Variants in LMO7 observed in about 807,000 individuals in gnomAD.
LMO7 encodes the protein LIM domain only protein 7.
Under a neutral mutation model 206.5 loss-of-function variants are expected in LMO7, and 120 were observed. The ratio of observed to expected loss-of-function variants is 0.58; its 90% CI spans 0.50 to 0.68. The LOEUF is 0.68. LMO7 is among the 30% of genes least tolerant of loss of function. The probability of loss-of-function intolerance (pLI) is 0.00; values close to 1 mark genes in which losing one functional copy is unlikely to be tolerated. For synonymous variants in LMO7, 706 were observed against 681.5 expected (o/e 1.04, Z -0.56); for missense variants, 1,959 against 1,957.9 (o/e 1.00, Z -0.01).
At chr13:75,737,842 CAAA>C (rs768622923) in intron 3 of LMO7, among the ~76,000 whole-genome samples, 4 of 37,740 alleles carry the variant, frequency 1.1e-4, no homozygotes, top group African/African-American at 3.6e-4. Flanking sequence ...AGGAAGCTGC[CAAA>C]AAAAAAAAAA....
At chr13:75,681,837 A>G (rs149815777) in intron 1 of LMO7, among the ~76,000 whole-genome samples, 5,759 of 149,956 alleles carry the variant, frequency 0.038, 151 homozygotes, top group South Asian at 0.066. Context: ...TGTTTCTATC[A>G]TCAGTAAATC....
intron 2 of LMO7, among the ~76,000 whole-genome samples, chr13:75,715,128 A>G (rs984057691): frequency 6.6e-6 from 1 of 152,230 alleles, no homozygotes; most frequent in African/African-American, 2.4e-5. Context: ...CCATAAATAG[A>G]TCATTAAACA....
intron 17 of LMO7, 129 bp from the exon 18 acceptor site, chr13:75,835,102 TTC>T (rs768905253): frequency 8.4e-7 from 1 of 1,193,308 alleles, no homozygotes; most frequent in Non-Finnish European, 1.1e-6. Flanking sequence ...ACTTTATTCT[TTC>T]CACTTCAACA....
At chr13:75,835,475 T>G (rs760012140) in intron 18 of LMO7, 136 bp downstream of exon 18, 22 of 567,224 alleles carry the variant, frequency 3.9e-5, no homozygotes, top group Non-Finnish European at 6.4e-5. Context: ...ATAATGTAAA[T>G]TATAGTAAAG....
chr13:75,774,792 AGTCT>A (rs1328509614), intron 4 of LMO7, among the ~76,000 whole-genome samples: 1 of 152,122 alleles, frequency 6.6e-6, no homozygotes. Flanking sequence ...ATCTTCTCCC[AGTCT>A]GTTACTTGCT....
At chr13:75,747,894 G>C (rs115703950) in intron 3 of LMO7, among the ~76,000 whole-genome samples, 1 of 152,198 alleles carries the variant, frequency 6.6e-6, no homozygotes, top group African/African-American at 2.4e-5. Flanking sequence ...AAGATGGAAC[G>C]AGGAGAGGGA....
At chr13:75,857,837 G>A (rs1321145146) in intron 30 of LMO7, 84 bp from the exon 31 acceptor site, 1 of 890,736 alleles carries the variant, frequency 1.1e-6, no homozygotes, top group Non-Finnish European at 1.7e-6. Flanking sequence ...CACTTTCTGA[G>A]TGATGACTGC....
At chr13:75,681,351 G>A (rs1252756833) in intron 1 of LMO7, among the ~76,000 whole-genome samples, 1 of 152,038 alleles carries the variant, frequency 6.6e-6, no homozygotes, top group Non-Finnish European at 1.5e-5. Flanking sequence ...CAAAGTTTAT[G>A]AGCTACTATC....
intron 4 of LMO7, among the ~76,000 whole-genome samples, chr13:75,780,346 C>A (rs979129085): frequency 3.3e-5 from 5 of 152,152 alleles, no homozygotes; most frequent in African/African-American, 1.2e-4. Flanking sequence ...TTAGAGGCCT[C>A]CCCCTGGGAG....
chr13:75,803,614 T>C (rs555417605), intron 7 of LMO7, among the ~76,000 whole-genome samples: 24 of 152,348 alleles, frequency 1.6e-4, no homozygotes, highest in African/African-American at 5.5e-4. Context: ...TTCTTTTGAA[T>C]TTGTGTTTAA....
chr13:75,650,121 C>G (rs1401196520), intron 1 of LMO7, among the ~76,000 whole-genome samples: 1 of 151,898 alleles, frequency 6.6e-6, no homozygotes, highest in Non-Finnish European at 1.5e-5. Flanking sequence ...CTGTGCCTGG[C>G]CACATTTTTT....
rs933455966 is a variant in LMO7 at position 75,858,097 on chromosome 13, A to C, written c.*154A>C. Reference sequence around the variant, plus strand: ...TCTTTAGATTACATAGAAGCATTGTAGTCTTGGTAGAACCAGTATTTTTGT... The same window carrying C: ...TCTTTAGATTACATAGAAGCATTGTCGTCTTGGTAGAACCAGTATTTTTGT... On this transcript the variant is annotated 3_prime_UTR_variant, in exon 31 of 31. Coordinates refer to ENST00000377534, the MANE Select transcript of LMO7 (RefSeq NM_001306080.2). The C allele has an allele frequency of 1.0e-4, 71 of 700,368 alleles. No homozygotes were observed. The African/African-American group carries it at 1.0e-3, about 10-fold the overall frequency. The allele number at this position is 700,368 out of a possible 1,614,324, so 43.4% of individuals were successfully genotyped here.
At chr13:75,642,475 C>T (rs1029540913) in intron 1 of LMO7, among the ~76,000 whole-genome samples, 3 of 146,346 alleles carry the variant, frequency 2.0e-5, no homozygotes, top group Non-Finnish European at 3.0e-5. Flanking sequence ...AGGTGGCACA[C>T]ACCTGCATTC....
chr13:75,684,622 C>T lies in LMO7; in HGVS notation c.70-28560C>T, dbSNP rs117903320. 3.2e-3 allele frequency among the ~76,000 whole-genome samples: 482 copies of T among 151,082 alleles called. 4 individuals carry two copies. Among genetic ancestry groups the T allele is most frequent in the East Asian group, 0.03 (152 of 5,128 alleles). ...CTTTGGGAAGGACATAGGAGTTGGC[C>T]AACCTTCTTAGGTAAATAGGGTTAA... On this transcript the variant is annotated intron_variant, in intron 1 of 30. Transcript: ENST00000377534.
intron 1 of LMO7, among the ~76,000 whole-genome samples, chr13:75,709,917 TTTTTATGGTTTTAGGTC>T (rs2042954642): frequency 6.6e-6 from 1 of 152,186 alleles, no homozygotes; most frequent in Non-Finnish European, 1.5e-5. Context: ...TCTTCTAGGG[TTTTTATGGTTTTAGGTC>T]TAACATTTAA....
In LMO7 at chr13:75,856,486, C is replaced by CT. The variant is rs751906309; in HGVS notation, c.4771-10dup. 7,439 of 1,248,874 alleles carry CT rather than the reference C, an allele frequency of 6.0e-3. No homozygotes were observed. Among genetic ancestry groups the CT allele is most frequent in the Non-Finnish European group, 6.7e-3 (6,029 of 900,782 alleles). 77.4% of individuals were successfully genotyped at this position (1,248,874 alleles called of 1,614,324 possible). ...CTTGAGCTGACTGATTGTAGATGTT[C>CT]TTTTTTTTTTGTTCCCCAGTGTGTT... On this transcript the variant is annotated intron_variant, in intron 29 of 30. Coordinates refer to ENST00000377534, the MANE Select transcript of LMO7 (RefSeq NM_001306080.2).
intron 16 of LMO7, among the ~76,000 whole-genome samples, chr13:75,833,631 A>ACCCC (rs2058876867): frequency 6.6e-6 from 1 of 152,136 alleles, no homozygotes. Context: ...GTCCAGGTCT[A>ACCCC]TACCATGTCA....
chr13:75,722,090 A>G (rs113674161), intron 2 of LMO7, among the ~76,000 whole-genome samples: 1 of 152,274 alleles, frequency 6.6e-6, no homozygotes, highest in Non-Finnish European at 1.5e-5. Context: ...CTAAGACCTG[A>G]GACCATAAAG....
intron 8 of LMO7, chr13:75,805,247 T>C: frequency 9.3e-7 from 1 of 1,073,146 alleles, no homozygotes; most frequent in South Asian, 2.4e-5. Flanking sequence ...CCTCTTCCTT[T>C]TAACACAGCT....
Sources: allele counts gnomAD v4.1 joint callset (sites outside exome capture counted in the v4.1 genomes callset), GRCh38; gene constraint gnomAD v4.1.1; transcripts MANE v1.5; gene names NCBI Gene and HGNC (gene_info 2026-07-23, HGNC 2026-07-21).